RANBP1: variants seen among roughly 807,000 people sequenced by gnomAD.
RANBP1 encodes ran-specific GTPase-activating protein.
Under a neutral mutation model 31.4 loss-of-function variants are expected in RANBP1, and 16 were observed. The observed-to-expected ratio is 0.51, with a 90% CI of 0.34 to 0.77. RANBP1 has a LOEUF of 0.77. RANBP1 is among the 30% of genes least tolerant of loss of function. The pLI is 0.01. For missense variants in RANBP1, 265 were observed against 362.0 expected, an observed-to-expected ratio of 0.73 and a Z score of 2.17; for synonymous variants, 129 against 140.5, an observed-to-expected ratio of 0.92 and a Z score of 0.58.
chr22:20,122,062 G>A (rs147410039), intron 2 of RANBP1, among the ~76,000 whole-genome samples: 22 of 149,662 alleles, frequency 1.5e-4, no homozygotes, highest in Non-Finnish European at 2.4e-4. Flanking sequence ...TTGTGGAACC[G>A]GAATTCAAGA....
chr22:20,117,676 C>T, intron 1 of RANBP1: 3 of 1,135,818 alleles, frequency 2.6e-6, no homozygotes, highest in Non-Finnish European at 3.2e-6. Context: ...TGCCGCCGGG[C>T]CCAAGCGGGG....
At chr22:20,117,688 C>A in intron 1 of RANBP1, 2 of 368,670 alleles carry the variant, frequency 5.4e-6, no homozygotes, top group East Asian at 2.4e-4. Flanking sequence ...CAAGCGGGGA[C>A]AGGGTGGGCG....
At chr22:20,125,965 C>T (rs978689791) in intron 4 of RANBP1, among the ~76,000 whole-genome samples, 1 of 152,372 alleles carries the variant, frequency 6.6e-6, no homozygotes. Flanking sequence ...TGTGGCCTGG[C>T]GCCTGGTAGC....
chr22:20,117,210 A>T, intron 1 of RANBP1: 5 of 540,150 alleles, frequency 9.3e-6, no homozygotes, highest in Non-Finnish European at 1.5e-5. Flanking sequence ...CGTGCGGCGG[A>T]GGCCGAGCGT....
chr22:20,116,741 T>G, intron 1 of RANBP1: 1 of 1,369,670 alleles, frequency 7.3e-7, no homozygotes, highest in Non-Finnish European at 1.0e-6. Context: ...TCCCCCAGTC[T>G]ACCCTCCCGA....
chr22:20,119,169 A>G lies in RANBP1; in HGVS notation c.383+20A>G. The G allele has an allele frequency of 6.2e-7, 1 of 1,607,570 alleles. No homozygotes were observed. Among genetic ancestry groups the G allele is most frequent in the Non-Finnish European group, 8.5e-7 (1 of 1,174,498 alleles). On this transcript the variant is annotated intron_variant, in intron 2 of 5. Transcript: ENST00000430524. ...TAAAATGTAAGTAGGCTGATGTCCCAGAAATAGGACTCTTTAAGGTTGAGG... is the reference window on the plus strand; with the variant it reads ...TAAAATGTAAGTAGGCTGATGTCCCGGAAATAGGACTCTTTAAGGTTGAGG...
At chr22:20,124,748 T>G (rs571440633) in intron 3 of RANBP1, 2 of 159,410 alleles carry the variant, frequency 1.3e-5, no homozygotes, top group East Asian at 3.8e-4. Flanking sequence ...TGGGCTCCCT[T>G]CTGGCAACTG....
chr22:20,116,717 C>A, intron 1 of RANBP1: 1 of 1,434,156 alleles, frequency 7.0e-7, no homozygotes, highest in Admixed American at 2.2e-5. Flanking sequence ...GCACTCTGCA[C>A]TCAGCCCTGC....
intron 1 of RANBP1, chr22:20,117,395 C>T (rs1455212814): frequency 2.1e-5 from 25 of 1,207,850 alleles, no homozygotes; most frequent in Middle Eastern, 3.3e-4. Context: ...GGCGTTTTGG[C>T]GGGAAGCGCG....
chr22:20,119,183 T>G (rs762008133), intron 2 of RANBP1, 34 bp downstream of exon 2: 1 of 1,600,636 alleles, frequency 6.2e-7, no homozygotes, highest in East Asian at 2.2e-5. Context: ...ATAGGACTCT[T>G]TAAGGTTGAG....
intron 3 of RANBP1, chr22:20,124,493 TG>T: frequency 1.3e-5 from 2 of 152,546 alleles, no homozygotes; most frequent in Non-Finnish European, 2.9e-5. Flanking sequence ...AGGGGTATCC[TG>T]GGGGTGCATG....
Position 20,119,040 on chromosome 22 carries a change from A to G in RANBP1, c.274A>G (p.Thr92Ala). ...CACTCATGAGGACCATGATACTTCC[A>G]CTGAGAATACAGACGAGTCCAACCA... The part of the protein sequence containing the change: ...EDTHEDHDTS[T>A]ENTDESNHDP... The change falls in exon 2 of 6, where the codon ACT becomes GCT. Residue 92 changes from threonine to alanine, a missense_variant. This residue lies in a region of RANBP1 where 126 missense variants were observed against 123.6 expected (regional missense o/e 1.02). Coordinates refer to ENST00000430524, the MANE Select transcript of RANBP1 (RefSeq NM_001278639.2). 1 of 1,613,164 alleles carries G rather than the reference A, an allele frequency of 6.2e-7. No individual in the cohort carries two copies. Among genetic ancestry groups the G allele is most frequent in the Non-Finnish European group, 8.5e-7 (1 of 1,179,802 alleles).
chr22:20,117,542 G>A, intron 1 of RANBP1: 2 of 1,383,142 alleles, frequency 1.4e-6, no homozygotes, highest in South Asian at 1.4e-5. Flanking sequence ...CGGGCGGGCG[G>A]GAGGCGCCGG....
intron 2 of RANBP1, among the ~76,000 whole-genome samples, chr22:20,120,460 T>C (rs149136335): frequency 1.7e-3 from 251 of 152,080 alleles, no homozygotes; most frequent in Middle Eastern, 3.4e-3. Context: ...GCCAGCAGGG[T>C]GGGCCCGGGT....
intron 3 of RANBP1, 97 bp from the exon 4 acceptor site, chr22:20,125,211 C>T (rs1274695085): frequency 2.1e-5 from 29 of 1,401,580 alleles, no homozygotes; most frequent in Non-Finnish European, 2.8e-5. Context: ...CTGAAGCAGA[C>T]CCCTCAGGTT....
chr22:20,117,289 G>A lies in RANBP1; in HGVS notation c.246+859G>A, dbSNP rs1256250857. On this transcript the variant is annotated intron_variant, in intron 1 of 5. Coordinates refer to ENST00000430524, the MANE Select transcript of RANBP1 (RefSeq NM_001278639.2). ...ATCCAACCCCCAACCACTTTAGCCA[G>A]CTCTAGAGGCGCGCGTGGCCGGGAC... 9 of 804,730 alleles carry A rather than the reference G, an allele frequency of 1.1e-5. No individual in the cohort carries two copies. In the African/African-American group the frequency reaches 1.5e-4, roughly 13 times the overall value. The allele number at this position is 804,730 out of a possible 1,614,324, so 49.8% of individuals were successfully genotyped here. A position where few individuals can be genotyped will look rare whatever the true frequency, so the allele number is the denominator to read the frequency against.
intron 1 of RANBP1, chr22:20,117,378 C>T: frequency 1.7e-6 from 2 of 1,206,996 alleles, no homozygotes; most frequent in Non-Finnish European, 2.1e-6. Flanking sequence ...GCCGGGCATG[C>T]GCCGCGGGCG....
intron 3 of RANBP1, among the ~76,000 whole-genome samples, chr22:20,123,902 G>T (rs2050242112): frequency 6.6e-6 from 1 of 152,078 alleles, no homozygotes; most frequent in Non-Finnish European, 1.5e-5. Flanking sequence ...TGCGTGTCCG[G>T]CGGGGCAGGG....
intron 3 of RANBP1, chr22:20,122,659 T>A (rs2050198699): frequency 6.9e-7 from 1 of 1,445,622 alleles, no homozygotes; most frequent in African/African-American, 1.5e-5. Context: ...CGGGCCCTGA[T>A]GGGAGGACGC....
Sources: gnomAD v4.1 joint callset for allele counts (sites outside exome capture counted in the v4.1 genomes callset) on GRCh38, gnomAD v4.1.1 for gene constraint, gnomAD v4.1.1 regional missense constraint, MANE v1.5 for transcripts, NCBI Gene and HGNC (gene_info 2026-07-23, HGNC 2026-07-21) for gene names.